ZNF385C: variants seen among roughly 807,000 people sequenced by gnomAD.
The protein encoded by ZNF385C is zinc finger protein 385C.
In ZNF385C, 28 loss-of-function variants were observed where a neutral mutation model predicts 35.4. That is an observed-to-expected ratio of 0.79 (90% CI 0.59 to 1.08). ZNF385C has a LOEUF of 1.08. ZNF385C is among the 50% of genes least tolerant of loss of function. The pLI is 0.00. For missense variants in ZNF385C, 605 were observed against 595.6 expected, an observed-to-expected ratio of 1.02 and a Z score of -0.16; for synonymous variants, 248 against 248.2, an observed-to-expected ratio of 1.00 and a Z score of 0.01.
At chr17:42,090,378 C>T (rs1318628747) in intron 1 of ZNF385C, among the ~76,000 whole-genome samples, 16 of 150,020 alleles carry the variant, frequency 1.1e-4, no homozygotes, top group Admixed American at 2.7e-4. Flanking sequence ...CCTCCACCTC[C>T]CAGGTTCAAG....
intron 6 of ZNF385C, chr17:42,028,496 TG>T (rs1343658750): frequency 1.5e-5 from 9 of 585,340 alleles, no homozygotes; most frequent in Non-Finnish European, 2.7e-5. Flanking sequence ...CCTTTCCTTC[TG>T]GGTGTAATCT....
At chr17:42,056,321 C>T (rs2053375101) in intron 2 of ZNF385C, among the ~76,000 whole-genome samples, 1 of 152,228 alleles carries the variant, frequency 6.6e-6, no homozygotes, top group South Asian at 2.1e-4. Context: ...GGCCATGGGT[C>T]CCGAGCATTT....
intron 2 of ZNF385C, chr17:42,041,227 G>A: frequency 8.1e-7 from 1 of 1,231,940 alleles, no homozygotes; most frequent in Non-Finnish European, 1.0e-6. Context: ...GGAGGACTGA[G>A]TTAGGCTTGT....
chr17:42,027,232 G>A, intron 8 of ZNF385C, 99 bp from the exon 9 acceptor site: 1 of 1,121,362 alleles, frequency 8.9e-7, no homozygotes, highest in Non-Finnish European at 1.3e-6. Context: ...GGGAAAGCGT[G>A]CCTTTTAGAG....
intron 1 of ZNF385C, among the ~76,000 whole-genome samples, chr17:42,094,656 G>A (rs782773076): frequency 6.1e-5 from 9 of 148,622 alleles, no homozygotes; most frequent in Non-Finnish European, 1.0e-4. Context: ...ACACTCACAG[G>A]CCGAAGCAGA....
chr17:42,035,050 C>T (rs1217523465), intron 3 of ZNF385C, among the ~76,000 whole-genome samples: 1 of 120,286 alleles, frequency 8.3e-6, no homozygotes, highest in Non-Finnish European at 1.6e-5. Flanking sequence ...ACCTCAGAGG[C>T]AGAGGTTGCA....
chr17:42,041,385 C>T (rs1237004158), intron 2 of ZNF385C, among the ~76,000 whole-genome samples: 1 of 152,210 alleles, frequency 6.6e-6, no homozygotes, highest in East Asian at 1.9e-4. Context: ...TCAGTTTTCT[C>T]ATCTCTACAG....
At chr17:42,077,610 G>A (rs1459208089) in intron 1 of ZNF385C, among the ~76,000 whole-genome samples, 3 of 152,120 alleles carry the variant, frequency 2.0e-5, no homozygotes, top group Non-Finnish European at 2.9e-5. Flanking sequence ...ATAACACTAA[G>A]GGCCCCAGCT....
intron 2 of ZNF385C, among the ~76,000 whole-genome samples, chr17:42,052,877 C>T (rs1242138254): frequency 2.6e-5 from 4 of 152,216 alleles, no homozygotes; most frequent in Admixed American, 6.5e-5. Context: ...CCCCAAGTCA[C>T]GGGGCAGACA....
At chr17:42,081,579 G>T (rs150609610) in intron 1 of ZNF385C, among the ~76,000 whole-genome samples, 1 of 152,008 alleles carries the variant, frequency 6.6e-6, no homozygotes, top group Non-Finnish European at 1.5e-5. Context: ...GTTTCACCAC[G>T]TTGACCAGGC....
At chr17:42,043,077 G>T in intron 2 of ZNF385C, 1 of 1,232,206 alleles carries the variant, frequency 8.1e-7, no homozygotes, top group Non-Finnish European at 1.0e-6. Context: ...CTTCAGCCTG[G>T]CCCTCAAAAG....
chr17:42,037,586 C>A, intron 3 of ZNF385C, 151 bp downstream of exon 3: 1 of 920,866 alleles, frequency 1.1e-6, no homozygotes, highest in Non-Finnish European at 1.5e-6. Context: ...AATAGGGGTC[C>A]CTATTTGGGG....
intron 2 of ZNF385C, chr17:42,061,301 A>G (rs189958161): frequency 0.014 from 1,801 of 125,650 alleles, 11 homozygotes; most frequent in Middle Eastern, 0.03. Context: ...GCTCACTGCA[A>G]CCTCCACCTC....
At chr17:42,028,760 C>T (rs1249614894) in intron 6 of ZNF385C, 23 bp downstream of exon 6, 3 of 1,537,654 alleles carry the variant, frequency 2.0e-6, no homozygotes, top group Admixed American at 4.0e-5. Context: ...TTTCCCTGGG[C>T]TCCAGCTCCT....
intron 2 of ZNF385C, among the ~76,000 whole-genome samples, chr17:42,060,896 T>C (rs933203518): frequency 3.3e-5 from 5 of 151,964 alleles, no homozygotes; most frequent in Non-Finnish European, 7.4e-5. Context: ...TTTGTTTTTT[T>C]AGTAGATGAG....
rs34250798 is a variant in ZNF385C at position 42,056,814 on chromosome 17, G to A, written c.250+5993C>T. On this transcript the variant is annotated intron_variant, in intron 2 of 8. Coordinates refer to ENST00000692273, the MANE Select transcript of ZNF385C (RefSeq NM_001392013.1). ...TCTTTTGTCTGCCACCATGTGAGAC[G>A]TGCCTTTCACCTTCCGTCATGACTG... Among the ~76,000 whole-genome samples, 1,280 of 152,146 alleles carry A rather than the reference G, an allele frequency of 8.4e-3. 17 individuals are homozygous for A. The highest frequency in any genetic ancestry group is 0.029 in the African/African-American group (1,198 of 41,480).
chr17:42,094,226 A>G (rs1598208345), intron 1 of ZNF385C, among the ~76,000 whole-genome samples: 1 of 151,974 alleles, frequency 6.6e-6, no homozygotes, highest in Admixed American at 6.5e-5. Flanking sequence ...CAGGTGATCC[A>G]CCCGCCTCAG....
rs782010333 is a variant in ZNF385C, at chr17:42,043,217, G to A, written c.251-5332C>T. ...TTTTCGGCTTTGCCATGCTTGTTCC[G>A]TACCAGGGCCTGGCGGCACTCGAGG... On this transcript the variant is annotated intron_variant, in intron 2 of 8. Transcript: ENST00000692273. 4.9e-6 allele frequency: 6 copies of A among 1,232,132 alleles called. No individual in the cohort carries two copies. In the East Asian group the frequency reaches 9.5e-5, roughly 19 times the overall value. 76.3% of individuals were successfully genotyped at this position (1,232,132 alleles called of 1,614,324 possible).
chr17:42,027,120 A>G lies in ZNF385C; in HGVS notation c.1289T>C (p.Leu430Ser). The G allele has an allele frequency of 1.2e-6, 2 of 1,613,464 alleles. No individual in the cohort carries two copies. The highest frequency in any genetic ancestry group is 1.1e-5 in the South Asian group (1 of 91,054). Residue 430 changes from leucine to serine, a missense_variant, in exon 9 of 9, where the codon TTG (leucine) becomes TCG (serine). By Grantham distance (145) the Leu-to-Ser change is moderately radical. Transcript: ENST00000692273. The part of the protein sequence containing the change: ...AVSILKSKLA[L>S]QKQLTKTLAA... ...CAACGTCTTGGTGAGTTGCTTCTGC[A>G]AGGCCAGTTTAGACTACACGGAAAA... is the stretch of plus-strand genomic sequence containing the variant.
Sources: allele counts gnomAD v4.1 joint callset (sites outside exome capture counted in the v4.1 genomes callset), GRCh38; gene constraint gnomAD v4.1.1; transcripts MANE v1.5; gene names NCBI Gene and HGNC (gene_info 2026-07-23, HGNC 2026-07-21).